CNTNAP2: variants seen among roughly 807,000 people sequenced by gnomAD.
The protein encoded by CNTNAP2 is contactin associated protein 2, also known as contactin-associated protein-like 2.
Under a neutral mutation model 155.2 loss-of-function variants are expected in CNTNAP2, and 98 were observed. The ratio of observed to expected loss-of-function variants is 0.63; its 90% confidence interval spans 0.54 to 0.75. The LOEUF (loss-of-function observed/expected upper bound fraction) is 0.75, where lower values mean the gene tolerates loss of function less well. Ranked by LOEUF, CNTNAP2 falls within the 30% of genes least tolerant of loss-of-function variation. The pLI is 0.00. For synonymous variants in CNTNAP2, 651 were observed against 631.2 expected, an observed-to-expected ratio of 1.03 and a Z score of -0.47; for missense variants, 1,727 against 1,688.1, an observed-to-expected ratio of 1.02 and a Z score of -0.40.
chr7:148,086,649 T>C (rs1001470693), intron 15 of CNTNAP2, among the ~76,000 whole-genome samples: 1 of 152,202 alleles, frequency 6.6e-6, no homozygotes, highest in Non-Finnish European at 1.5e-5. Context: ...TGGGTTATAT[T>C]CTTAACATAT....
At chr7:146,953,966 A>G (rs1372924111) in intron 3 of CNTNAP2, among the ~76,000 whole-genome samples, 1 of 151,960 alleles carries the variant, frequency 6.6e-6, no homozygotes, top group Non-Finnish European at 1.5e-5. Flanking sequence ...TCTTGTTTCT[A>G]GTTTTTGCTG....
chr7:147,904,320 T>C (rs2116753570), intron 14 of CNTNAP2, among the ~76,000 whole-genome samples: 1 of 152,342 alleles, frequency 6.6e-6, no homozygotes, highest in South Asian at 2.1e-4. Context: ...ATCCCTTTGC[T>C]GGCTTTTGTT....
chr7:146,177,294 T>TG (rs1162243695), intron 1 of CNTNAP2, among the ~76,000 whole-genome samples: 2 of 152,166 alleles, frequency 1.3e-5, no homozygotes, highest in African/African-American at 2.4e-5. Context: ...TCTGGGATAA[T>TG]GTTCAATTTC....
At chr7:148,313,002 A>T (rs1797621794) in intron 21 of CNTNAP2, among the ~76,000 whole-genome samples, 1 of 151,834 alleles carries the variant, frequency 6.6e-6, no homozygotes, top group South Asian at 2.1e-4. Context: ...GGAAGCAGAT[A>T]ATTTAGTTAA....
At chr7:146,777,487 AC>A (rs1802410763) in intron 2 of CNTNAP2, among the ~76,000 whole-genome samples, 1 of 152,192 alleles carries the variant, frequency 6.6e-6, no homozygotes, top group African/African-American at 2.4e-5. Context: ...GGTCAAGGGA[AC>A]TAGCATGAGA....
At chr7:147,709,628 A>G (rs529782726) in intron 13 of CNTNAP2, among the ~76,000 whole-genome samples, 3 of 152,234 alleles carry the variant, frequency 2.0e-5, no homozygotes, top group Admixed American at 2.0e-4. Context: ...GTTCCTCTGG[A>G]CTGGGCGTTT....
chr7:147,630,698 C>T (rs1486475700), intron 12 of CNTNAP2, among the ~76,000 whole-genome samples: 4 of 152,200 alleles, frequency 2.6e-5, no homozygotes, highest in African/African-American at 9.6e-5. Flanking sequence ...TGATGCATCA[C>T]ATAAAATAAT....
At chr7:148,133,431 C>A (rs1804875085) in intron 16 of CNTNAP2, among the ~76,000 whole-genome samples, 1 of 152,100 alleles carries the variant, frequency 6.6e-6, no homozygotes, top group African/African-American at 2.4e-5. Context: ...CACTGCACTC[C>A]AGCCTGGGTG....
chr7:147,555,588 TA>T (rs1799937891), intron 11 of CNTNAP2, among the ~76,000 whole-genome samples: 1 of 152,232 alleles, frequency 6.6e-6, no homozygotes, highest in African/African-American at 2.4e-5. Context: ...ATCAAATCAT[TA>T]AAAGTGAATA....
intron 18 of CNTNAP2, among the ~76,000 whole-genome samples, chr7:148,203,284 C>T (rs992364282): frequency 6.6e-6 from 1 of 152,032 alleles, no homozygotes; most frequent in East Asian, 1.9e-4. Context: ...ACATTGCATA[C>T]CTACTATGTG....
At chr7:146,191,114 TC>T (rs1309174857) in intron 1 of CNTNAP2, among the ~76,000 whole-genome samples, 2 of 136,104 alleles carry the variant, frequency 1.5e-5, no homozygotes, top group Non-Finnish European at 3.2e-5. Flanking sequence ...TTTTCAGATA[TC>T]GGGGGAACCA....
chr7:147,299,479 T>G (rs1794901687), intron 8 of CNTNAP2, among the ~76,000 whole-genome samples: 1 of 152,046 alleles, frequency 6.6e-6, no homozygotes, highest in Non-Finnish European at 1.5e-5. Context: ...GATAACTTAT[T>G]TGTAAATGTT....
intron 1 of CNTNAP2, among the ~76,000 whole-genome samples, chr7:146,537,850 G>C (rs572291543): frequency 3.9e-4 from 59 of 152,140 alleles, no homozygotes; most frequent in Admixed American, 1.8e-3. Context: ...TGACACTGGG[G>C]AGAGAGCAGG....
At chr7:146,187,105 G>C (rs534284096) in intron 1 of CNTNAP2, among the ~76,000 whole-genome samples, 2 of 152,110 alleles carry the variant, frequency 1.3e-5, no homozygotes, top group Non-Finnish European at 2.9e-5. Context: ...GTCTAGTCAG[G>C]TCACTAGTAT....
chr7:146,883,233 C>T (rs1284503137), intron 3 of CNTNAP2, among the ~76,000 whole-genome samples: 2 of 152,090 alleles, frequency 1.3e-5, no homozygotes, highest in African/African-American at 4.8e-5. Flanking sequence ...TGAAATACAG[C>T]ATATTATTCT....
chr7:147,564,140 A>C (rs12537820), intron 12 of CNTNAP2, among the ~76,000 whole-genome samples: 67,858 of 151,854 alleles, frequency 0.45, 15,380 homozygotes, highest in East Asian at 0.61. Flanking sequence ...ACTGCACTCC[A>C]GTCTAAAAGA....
intron 1 of CNTNAP2, among the ~76,000 whole-genome samples, chr7:146,643,985 A>T (rs1211288580): frequency 3.9e-5 from 6 of 152,124 alleles, no homozygotes; most frequent in Non-Finnish European, 7.3e-5. Context: ...TGTATAAGAA[A>T]GCTTGTGATT....
intron 1 of CNTNAP2, among the ~76,000 whole-genome samples, chr7:146,358,184 G>A (rs1045634674): frequency 6.6e-5 from 10 of 151,942 alleles, no homozygotes; most frequent in Admixed American, 2.6e-4. Flanking sequence ...ACAGGTGCCC[G>A]CCACCATGCC....
intron 8 of CNTNAP2, among the ~76,000 whole-genome samples, chr7:147,269,232 C>T (rs1804686065): frequency 6.6e-6 from 1 of 152,118 alleles, no homozygotes; most frequent in East Asian, 1.9e-4. Context: ...TTTCAAAATG[C>T]ACTTTTATTT....
Sources: gnomAD v4.1 joint callset for allele counts (sites outside exome capture counted in the v4.1 genomes callset) on GRCh38, gnomAD v4.1.1 for gene constraint, MANE v1.5 for transcripts, NCBI Gene and HGNC (gene_info 2026-07-23, HGNC 2026-07-21) for gene names.